Variants in DCST1 observed in about 807,000 individuals in gnomAD.
The protein encoded by DCST1 is DC-STAMP domain containing 1.
DCST1 carries 78 observed loss-of-function variants against 89.1 expected under a neutral mutation model. The observed-to-expected ratio is 0.88, with a 90% CI of 0.73 to 1.06. DCST1 has a LOEUF of 1.06. DCST1 is among the 50% of genes least tolerant of loss of function. The pLI is 0.00. For synonymous variants in DCST1, 364 were observed against 371.9 expected (o/e 0.98, Z 0.24); for missense variants, 900 against 928.6 (o/e 0.97, Z 0.40).
At position 155,043,408 on chromosome 1, in the gene DCST1, C is replaced by G. The variant is rs139752661; in HGVS notation, c.1071C>G (p.Thr357=). Residue 357 remains threonine (T), a synonymous_variant, in exon 10 of 17, where the codon ACC becomes ACG. Transcript: ENST00000295542. ...GLNTSWERVS[T]EVRDYVYRQE... is the part of the protein sequence containing the mutation. ...ACACAAGCTGGGAGCGCGTGAGCACCGAGGTGCGGGACTACGTGTACCGCC... is the reference window on the plus strand; with the variant it reads ...ACACAAGCTGGGAGCGCGTGAGCACGGAGGTGCGGGACTACGTGTACCGCC... The G allele has an allele frequency of 5.3e-4, 849 of 1,613,906 alleles. 8 individuals carry two copies. The South Asian group carries it at 8.7e-3, about 16-fold the overall frequency.
In DCST1 at chr1:155,043,346, C is replaced by T. The variant is rs1415194033; in HGVS notation, c.1015-6C>T. ...AGGCTGAGTTTGCTCATGTGCCCTCCACCAGGAAGAGAAGCAGGCTGGGGT... is the reference window on the plus strand; with the variant it reads ...AGGCTGAGTTTGCTCATGTGCCCTCTACCAGGAAGAGAAGCAGGCTGGGGT... On this transcript the variant is annotated splice_polypyrimidine_tract_variant and splice_region_variant and intron_variant, in intron 9 of 16. Coordinates refer to ENST00000295542, the MANE Select transcript of DCST1 (RefSeq NM_152494.4). 24 of 1,613,920 alleles carry T rather than the reference C, an allele frequency of 1.5e-5. No homozygotes were observed. Among genetic ancestry groups the T allele is most frequent in the Non-Finnish European group, 1.9e-5 (23 of 1,179,972 alleles).
chr1:155,050,529 C>T (rs1441452733), intron 16 of DCST1, 88 bp from the exon 17 acceptor site: 3 of 1,446,792 alleles, frequency 2.1e-6, no homozygotes. Flanking sequence ...AATTGTCAGG[C>T]CTGGCGACTT....
intron 10 of DCST1, chr1:155,045,554 T>A (rs927107775): frequency 9.0e-6 from 3 of 334,150 alleles, no homozygotes; most frequent in Admixed American, 9.1e-5. Context: ...TCGATATTCA[T>A]CCTGTAAGAT....
rs752400113 is a variant in DCST1 at position 155,034,739 on chromosome 1, G to A, written c.262+12G>A. The A allele has an allele frequency of 2.5e-6, 4 of 1,613,972 alleles. No homozygotes were observed. The Admixed American group carries it at 5.0e-5, about 20-fold the overall frequency. The stretch of plus-strand genomic sequence containing the variant: ...GTACAGCTTGGTGGGTTAGTGCTGG[G>A]CAAAAGCCAGGAACACTCAAGCGGC... On this transcript the variant is annotated intron_variant, in intron 4 of 16. Transcript: ENST00000295542.
intron 16 of DCST1, 42 bp downstream of exon 16, chr1:155,048,212 T>C (rs754862972): frequency 6.4e-7 from 1 of 1,560,466 alleles, no homozygotes; most frequent in East Asian, 2.3e-5. Flanking sequence ...CCTGGCTGGG[T>C]CTAAGTACAG....
At chr1:155,050,428 C>T in intron 16 of DCST1, 189 bp from the exon 17 acceptor site, 1 of 685,098 alleles carries the variant, frequency 1.5e-6, no homozygotes, top group South Asian at 2.0e-5. Context: ...GAGGGTGCAT[C>T]CTCCCATTCT....
In DCST1 at chr1:155,046,201, C is replaced by A. The variant is rs554350190; in HGVS notation, c.1349C>A (p.Ala450Asp). ...TTCCCTTGCAAGCCCACCATCCAGGCCTCAGAAATGAGCAATGTGGTGAGG... is the reference window on the plus strand; with the variant it reads ...TTCCCTTGCAAGCCCACCATCCAGGACTCAGAAATGAGCAATGTGGTGAGG... ...VIFPCKPTIQASEMSNVVREL... is the reference protein window; with the variant it reads ...VIFPCKPTIQDSEMSNVVREL... The change falls in exon 12 of 17, where the codon GCC becomes GAC. Residue 450 changes from alanine to aspartate, a missense_variant. Transcript: ENST00000295542. 6.2e-7 allele frequency: 1 copy of A among 1,614,200 alleles called. No homozygotes were observed. Among genetic ancestry groups the A allele is most frequent in the Non-Finnish European group, 8.5e-7 (1 of 1,180,038 alleles).
At chr1:155,042,903 A>T (rs757994475) in intron 9 of DCST1, 47 bp downstream of exon 9, 1 of 1,601,406 alleles carries the variant, frequency 6.2e-7, no homozygotes, top group Non-Finnish European at 8.5e-7. Context: ...AGGGAGTGGG[A>T]GGAGGGCATG....
chr1:155,041,738 G>C lies in DCST1; in HGVS notation c.773G>C (p.Ser258Thr), dbSNP rs777191631. ...CSYVVNQAILSCRRWFDRKHE... is the reference protein window; with the variant it reads ...CSYVVNQAILTCRRWFDRKHE... ...GATGTGGTGAACCAGGCCATACTCA[G>C]CTGCCGTCGTTGGTTTGACCGCAAG... The change falls in exon 8 of 17, where the codon AGC (serine) becomes ACC (threonine). Residue 258 changes from serine (S) to threonine (T), a missense_variant. Transcript: ENST00000295542. 6.2e-6 allele frequency: 10 copies of C among 1,614,132 alleles called. No homozygotes were observed. In the South Asian group the frequency reaches 1.1e-4, roughly 18 times the overall value.
chr1:155,035,054 T>TCATA, intron 4 of DCST1: 1 of 291,972 alleles, frequency 3.4e-6, no homozygotes, highest in South Asian at 5.0e-5. Context: ...GAAATTAAAT[T>TCATA]CATTCATTCA....
At position 155,043,451 on chromosome 1, in the gene DCST1, T is replaced by G. The variant is rs370616763; in HGVS notation, c.1114T>G (p.Trp372Gly). 2 of 1,612,428 alleles carry G rather than the reference T, an allele frequency of 1.2e-6. No individual in the cohort carries two copies. Among genetic ancestry groups the G allele is most frequent in the Non-Finnish European group, 1.7e-6 (2 of 1,179,494 alleles). ...GTACCGCCAGGAGGCCCGGCTGGAG[T>G]GGGCCCTGGGGCTGCTGCACGTGCT... The part of the protein sequence containing the change: ...YVYRQEARLE[W>G]ALGLLHVLLS... The change falls in exon 10 of 17, where the codon TGG (tryptophan) becomes GGG (glycine). Residue 372 changes from tryptophan to glycine, a missense_variant. Coordinates refer to ENST00000295542, the MANE Select transcript of DCST1 (RefSeq NM_152494.4).
rs560535932 is a variant in DCST1 at position 155,034,615 on chromosome 1, C to A, written c.188-38C>A. Reference sequence around the variant, plus strand: ...GGCAGAGGCTGGACCAGGGCTAGGACCCATCTTTTGGCCTTTGGCTTGACC... The same window carrying A: ...GGCAGAGGCTGGACCAGGGCTAGGAACCATCTTTTGGCCTTTGGCTTGACC... On this transcript the variant is annotated intron_variant, in intron 3 of 16. Coordinates refer to ENST00000295542, the MANE Select transcript of DCST1 (RefSeq NM_152494.4). 1.1e-5 allele frequency: 18 copies of A among 1,614,034 alleles called. 1 individual carries two copies. The Middle Eastern group carries it at 3.0e-3, about 266-fold the overall frequency.
chr1:155,040,480 T>G lies in DCST1; in HGVS notation c.392-5T>G. The stretch of plus-strand genomic sequence containing the variant: ...GAGGTGACCAACCAGGGCCTCTTTC[T>G]CCAGGGCCAGTAGCCAATCTGCGAC... On this transcript the variant is annotated splice_region_variant and splice_polypyrimidine_tract_variant and intron_variant, in intron 5 of 16. Coordinates refer to ENST00000295542, the MANE Select transcript of DCST1 (RefSeq NM_152494.4). 1 of 1,597,938 alleles carries G rather than the reference T, an allele frequency of 6.3e-7. No homozygotes were observed. The highest frequency in any genetic ancestry group is 1.1e-5 in the South Asian group (1 of 88,214).
chr1:155,035,615 G>T (rs762674006), intron 4 of DCST1, among the ~76,000 whole-genome samples: 5 of 151,930 alleles, frequency 3.3e-5, no homozygotes, highest in Non-Finnish European at 7.4e-5. Flanking sequence ...TAATATCAAA[G>T]ATCAGAAAAA....
chr1:155,038,239 G>A (rs561914556), intron 4 of DCST1, among the ~76,000 whole-genome samples: 2 of 152,360 alleles, frequency 1.3e-5, no homozygotes, highest in South Asian at 4.1e-4. Flanking sequence ...GGTAGACATG[G>A]TGGGTGAAGG....
intron 6 of DCST1, 28 bp downstream of exon 6, chr1:155,040,652 G>A (rs1369302883): frequency 5.2e-6 from 8 of 1,534,158 alleles, no homozygotes; most frequent in Non-Finnish European, 6.2e-6. Flanking sequence ...GCAGAGCCTG[G>A]GGGGTCCCTC....
intron 16 of DCST1, 72 bp from the exon 17 acceptor site, chr1:155,050,545 A>C: frequency 6.8e-7 from 1 of 1,468,078 alleles, no homozygotes; most frequent in South Asian, 1.4e-5. Context: ...GACTTCAGAC[A>C]GGAAACGCTG....
Position 155,048,171 on chromosome 1 carries a change from G to C in DCST1, c.1869+1G>C. ...GCGGGAGCGACAGCAGAAGGCTCCGGTAAGTCCAGGCGTAAGTGCTGCTGC... is the reference window on the plus strand; with the variant it reads ...GCGGGAGCGACAGCAGAAGGCTCCGCTAAGTCCAGGCGTAAGTGCTGCTGC... On this transcript the variant is annotated splice_donor_variant, in intron 16 of 16. Transcript: ENST00000295542. LOFTEE classifies it high-confidence loss of function. The C allele has an allele frequency of 1.9e-6, 3 of 1,613,302 alleles. No individual in the cohort carries two copies. Among genetic ancestry groups the C allele is most frequent in the Non-Finnish European group, 2.5e-6 (3 of 1,179,664 alleles).
chr1:155,049,128 C>T (rs1028889174), intron 16 of DCST1: 2 of 712,206 alleles, frequency 2.8e-6, no homozygotes, highest in Non-Finnish European at 5.2e-6. Context: ...AAGTGTGTAT[C>T]CCGGCTCCTT....
Sources: allele counts gnomAD v4.1 joint callset (sites outside exome capture counted in the v4.1 genomes callset), GRCh38; gene constraint gnomAD v4.1.1; transcripts MANE v1.5; gene names NCBI Gene and HGNC (gene_info 2026-07-23, HGNC 2026-07-21).